Variants in SLC35F3 observed in about 807,000 individuals in gnomAD.
SLC35F3 encodes the protein solute carrier family 35 member F3.
SLC35F3 carries 25 observed loss-of-function variants against 49.9 expected under a neutral mutation model. The observed-to-expected ratio is 0.50, with a 90% CI of 0.37 to 0.70. The LOEUF (loss-of-function observed/expected upper bound fraction) is 0.70. Among genes scored for constraint, SLC35F3 ranks in the 30% least tolerant of loss-of-function variants. The probability of loss-of-function intolerance (pLI) is 0.00; values close to 1 mark genes in which losing one functional copy is unlikely to be tolerated. For missense variants in SLC35F3, 525 were observed against 639.8 expected (o/e 0.82, Z 1.94); for synonymous variants, 275 against 265.4 (o/e 1.04, Z -0.35).
intron 2 of SLC35F3, among the ~76,000 whole-genome samples, chr1:233,910,559 A>G (rs1455771485): frequency 6.6e-6 from 1 of 152,236 alleles, no homozygotes; most frequent in Non-Finnish European, 1.5e-5. Context: ...CTAGAAATAC[A>G]GGTCAACACA....
chr1:234,045,930 T>C (rs1362204549), intron 2 of SLC35F3, among the ~76,000 whole-genome samples: 1 of 152,162 alleles, frequency 6.6e-6, no homozygotes, highest in East Asian at 1.9e-4. Flanking sequence ...ATATCCTTGT[T>C]CAACTACTAT....
chr1:234,065,760 G>A (rs1664607548), intron 2 of SLC35F3, among the ~76,000 whole-genome samples: 1 of 152,176 alleles, frequency 6.6e-6, no homozygotes, highest in African/African-American at 2.4e-5. Flanking sequence ...GAAACTATAT[G>A]AGCACAACAT....
chr1:233,936,374 T>C (rs962755755), intron 2 of SLC35F3, among the ~76,000 whole-genome samples: 1 of 152,202 alleles, frequency 6.6e-6, no homozygotes, highest in African/African-American at 2.4e-5. Context: ...TACTATCCTG[T>C]CTGTATCATA....
intron 2 of SLC35F3, among the ~76,000 whole-genome samples, chr1:233,947,967 C>G (rs1373006168): frequency 6.9e-6 from 1 of 143,916 alleles, no homozygotes; most frequent in African/African-American, 2.5e-5. Flanking sequence ...CAGTGTCTTC[C>G]CAAGTGAAGG....
intron 2 of SLC35F3, among the ~76,000 whole-genome samples, chr1:234,129,839 G>A (rs1358051214): frequency 6.6e-6 from 1 of 152,070 alleles, no homozygotes; most frequent in African/African-American, 2.4e-5. Flanking sequence ...AATTAATGAT[G>A]CTGAAACAAA....
At chr1:234,011,695 T>C (rs1663722893) in intron 2 of SLC35F3, among the ~76,000 whole-genome samples, 1 of 152,226 alleles carries the variant, frequency 6.6e-6, no homozygotes, top group Non-Finnish European at 1.5e-5. Context: ...GCAAACTCTA[T>C]GCAGACAGTG....
intron 2 of SLC35F3, among the ~76,000 whole-genome samples, chr1:234,223,587 T>C (rs1260362699): frequency 6.6e-6 from 1 of 152,194 alleles, no homozygotes; most frequent in African/African-American, 2.4e-5. Flanking sequence ...AAATATAAGA[T>C]AGCATATAAT....
At chr1:233,968,673 C>CG (rs1662940913) in intron 2 of SLC35F3, among the ~76,000 whole-genome samples, 1 of 151,904 alleles carries the variant, frequency 6.6e-6, no homozygotes, top group Admixed American at 6.6e-5. Flanking sequence ...TTAGTAAACA[C>CG]GGGGTTTCAC....
At chr1:234,154,657 C>G (rs1666124910) in intron 2 of SLC35F3, among the ~76,000 whole-genome samples, 1 of 152,194 alleles carries the variant, frequency 6.6e-6, no homozygotes, top group African/African-American at 2.4e-5. Flanking sequence ...GTTATCATAA[C>G]TAAAATTTTA....
chr1:234,291,350 G>A (rs1315529677), intron 3 of SLC35F3, among the ~76,000 whole-genome samples: 1 of 152,254 alleles, frequency 6.6e-6, no homozygotes, highest in South Asian at 2.1e-4. Flanking sequence ...AGCTGATGCT[G>A]CTGGTCCCCA....
intron 2 of SLC35F3, among the ~76,000 whole-genome samples, chr1:233,912,272 G>A (rs1355534340): frequency 2.0e-5 from 3 of 152,162 alleles, no homozygotes; most frequent in Non-Finnish European, 4.4e-5. Flanking sequence ...GAGGTCAGGA[G>A]TTCAATACCA....
chr1:234,288,454 A>G (rs186920477), intron 3 of SLC35F3, among the ~76,000 whole-genome samples: 178 of 152,348 alleles, frequency 1.2e-3, no homozygotes, highest in Admixed American at 0.012. Flanking sequence ...CAGTCAGACT[A>G]GTCGCTGTGT....
At chr1:234,230,525 C>T (rs1572105239) in intron 2 of SLC35F3, among the ~76,000 whole-genome samples, 2 of 152,200 alleles carry the variant, frequency 1.3e-5, no homozygotes, top group South Asian at 2.1e-4. Flanking sequence ...TAGTTACACC[C>T]GACACAAGCT....
chr1:234,249,388 G>A (rs996054644), intron 3 of SLC35F3, among the ~76,000 whole-genome samples: 7 of 152,180 alleles, frequency 4.6e-5, no homozygotes, highest in African/African-American at 1.4e-4. Context: ...AAAGGAGGCC[G>A]GGCTGTGTGT....
At chr1:233,909,691 G>A (rs770028179) in intron 2 of SLC35F3, among the ~76,000 whole-genome samples, 2 of 152,154 alleles carry the variant, frequency 1.3e-5, no homozygotes, top group Non-Finnish European at 1.5e-5. Context: ...ATTTGTTGTA[G>A]GGAGCTGTCA....
chr1:234,082,754 C>T (rs977144659), intron 2 of SLC35F3, among the ~76,000 whole-genome samples: 1 of 152,194 alleles, frequency 6.6e-6, no homozygotes, highest in East Asian at 1.9e-4. Flanking sequence ...TGGAGCCAAG[C>T]GAAAGGCAAA....
chr1:234,118,911 G>A (rs1455967225), intron 2 of SLC35F3, among the ~76,000 whole-genome samples: 1 of 142,026 alleles, frequency 7.0e-6, no homozygotes, highest in African/African-American at 2.6e-5. Flanking sequence ...AAAACCTCTT[G>A]CACTACCTGA....
At chr1:234,021,001 C>T (rs780559013) in intron 2 of SLC35F3, among the ~76,000 whole-genome samples, 15 of 152,164 alleles carry the variant, frequency 9.9e-5, no homozygotes, top group Admixed American at 6.5e-4. Flanking sequence ...GGCATAGCTG[C>T]GGAGATTTTA....
chr1:234,002,169 T>C (rs1048452573), intron 2 of SLC35F3, among the ~76,000 whole-genome samples: 3 of 152,216 alleles, frequency 2.0e-5, no homozygotes, highest in African/African-American at 7.2e-5. Context: ...GTGAAGATAG[T>C]ACAGAGAGTT....
Sources: allele counts gnomAD v4.1 joint callset (sites outside exome capture counted in the v4.1 genomes callset), GRCh38; gene constraint gnomAD v4.1.1; transcripts MANE v1.5; gene names NCBI Gene and HGNC (gene_info 2026-07-23, HGNC 2026-07-21).